EPSTI1: variants seen among roughly 807,000 people sequenced by gnomAD.
EPSTI1 encodes the protein epithelial-stromal interaction protein 1.
EPSTI1 carries 66 observed loss-of-function variants against 49.9 expected under a neutral mutation model. The ratio of observed to expected loss-of-function variants is 1.32; its 90% CI spans 1.08 to 1.62. EPSTI1 has a LOEUF of 1.62. Ranked by LOEUF, EPSTI1 falls within the 40% of genes most tolerant of loss-of-function variation. The probability of loss-of-function intolerance (pLI) is 0.00; values close to 1 mark genes in which losing one functional copy is unlikely to be tolerated. For missense variants in EPSTI1, 394 were observed against 365.5 expected (o/e 1.08, Z -0.64); for synonymous variants, 137 against 130.7 (o/e 1.05, Z -0.33).
intron 6 of EPSTI1, among the ~76,000 whole-genome samples, chr13:42,944,360 T>C (rs2038856057): frequency 6.6e-6 from 1 of 152,200 alleles, no homozygotes; most frequent in African/African-American, 2.4e-5. Context: ...TGAGTTCATG[T>C]CCTTTGCAGA....
At chr13:42,980,390 GA>G (rs1479660058) in intron 1 of EPSTI1, among the ~76,000 whole-genome samples, 1 of 152,150 alleles carries the variant, frequency 6.6e-6, no homozygotes, top group Non-Finnish European at 1.5e-5. Flanking sequence ...GATTTATAAA[GA>G]AAAAGAGGTT....
chr13:42,939,279 T>G (rs1326466025), intron 6 of EPSTI1, among the ~76,000 whole-genome samples: 1 of 152,260 alleles, frequency 6.6e-6, no homozygotes, highest in Non-Finnish European at 1.5e-5. Context: ...ACATGTTCAC[T>G]GGAGTAGCAT....
chr13:42,914,323 A>G (rs1480165267), intron 8 of EPSTI1, among the ~76,000 whole-genome samples: 1 of 152,204 alleles, frequency 6.6e-6, no homozygotes, highest in African/African-American at 2.4e-5. Flanking sequence ...CAACTTGCAC[A>G]AGGCTCAGTA....
At chr13:42,975,462 CCT>C in intron 1 of EPSTI1, among the ~76,000 whole-genome samples, 1 of 152,256 alleles carries the variant, frequency 6.6e-6, no homozygotes, top group Non-Finnish European at 1.5e-5. Context: ...CAACTCATTG[CCT>C]CTGTTAGACG....
At chr13:42,942,606 T>C (rs2038788474) in intron 6 of EPSTI1, among the ~76,000 whole-genome samples, 1 of 150,124 alleles carries the variant, frequency 6.7e-6, no homozygotes, top group Non-Finnish European at 1.5e-5. Context: ...CTCTTCCTTG[T>C]GCCTCTTCTA....
At chr13:42,910,493 A>C (rs1434529731) in intron 8 of EPSTI1, among the ~76,000 whole-genome samples, 1 of 151,990 alleles carries the variant, frequency 6.6e-6, no homozygotes, top group Admixed American at 6.6e-5. Flanking sequence ...ACCTCAGGTG[A>C]TCCTCCTGCC....
At chr13:42,986,544 A>C (rs1594766182) in intron 1 of EPSTI1, among the ~76,000 whole-genome samples, 1 of 152,096 alleles carries the variant, frequency 6.6e-6, no homozygotes, top group Non-Finnish European at 1.5e-5. Flanking sequence ...GGAGTTCGAG[A>C]CCAGCCTGGC....
chr13:42,919,181 G>T, intron 7 of EPSTI1: 1 of 817,546 alleles, frequency 1.2e-6, no homozygotes, highest in Non-Finnish European at 1.9e-6. Context: ...GAAAAAAGTG[G>T]TTATTAAATA....
At chr13:42,889,287 T>C in intron 10 of EPSTI1, 1 of 1,175,480 alleles carries the variant, frequency 8.5e-7, no homozygotes, top group East Asian at 2.6e-5. Context: ...AAAGCAATTA[T>C]TGAAGAATAA....
intron 8 of EPSTI1, among the ~76,000 whole-genome samples, chr13:42,910,826 C>T (rs2153415780): frequency 6.6e-6 from 1 of 152,200 alleles, no homozygotes; most frequent in South Asian, 2.1e-4. Flanking sequence ...TACTGGGTAA[C>T]AACCAAGTTT....
chr13:42,917,688 G>C, intron 7 of EPSTI1, 64 bp from the exon 8 acceptor site: 6 of 1,248,876 alleles, frequency 4.8e-6, no homozygotes, highest in East Asian at 2.6e-5. Flanking sequence ...GGTTGTCACA[G>C]TACACCAAGC....
At chr13:42,979,619 T>G (rs1240268423) in intron 1 of EPSTI1, among the ~76,000 whole-genome samples, 2 of 151,486 alleles carry the variant, frequency 1.3e-5, no homozygotes, top group African/African-American at 4.8e-5. Flanking sequence ...AAAAGAAATT[T>G]TAAGCCTAAC....
chr13:42,915,852 T>G (rs2037815301), intron 8 of EPSTI1, among the ~76,000 whole-genome samples: 1 of 152,078 alleles, frequency 6.6e-6, no homozygotes, highest in Admixed American at 6.6e-5. Flanking sequence ...TAATTTTCAC[T>G]GTTTAAAATA....
rs182736399 is a variant in EPSTI1 at position 42,952,216 on chromosome 13, A to T, written c.563+1732T>A. On this transcript the variant is annotated intron_variant, in intron 6 of 10. Coordinates refer to ENST00000313624, the MANE Select transcript of EPSTI1 (RefSeq NM_033255.5). Reference sequence around the variant, plus strand: ...CTGGCCACCCCAGCCAGCAGCGGCAACCTGTTTGGGTCCCCTTCCATGCTG... The same window carrying T: ...CTGGCCACCCCAGCCAGCAGCGGCATCCTGTTTGGGTCCCCTTCCATGCTG... Among the ~76,000 whole-genome samples, 195 of 152,308 alleles carry T rather than the reference A, an allele frequency of 1.3e-3. 1 individual carries two copies. Among genetic ancestry groups the T allele is most frequent in the African/African-American group, 4.4e-3 (183 of 41,574 alleles).
At chr13:42,917,675 A>G (rs757255563) in intron 7 of EPSTI1, 51 bp from the exon 8 acceptor site, 1 of 1,340,496 alleles carries the variant, frequency 7.5e-7, no homozygotes, top group Non-Finnish European at 1.0e-6. Flanking sequence ...TGATAGGATA[A>G]AGGGTTGTCA....
intron 6 of EPSTI1, among the ~76,000 whole-genome samples, chr13:42,936,786 A>G (rs894804863): frequency 3.9e-5 from 6 of 152,148 alleles, no homozygotes; most frequent in Admixed American, 2.0e-4. Flanking sequence ...AACCATCTCA[A>G]ACTTAAACTC....
intron 10 of EPSTI1, 34 bp from the exon 11 acceptor site, chr13:42,888,536 C>A (rs746118224): frequency 6.4e-7 from 1 of 1,571,966 alleles, no homozygotes; most frequent in South Asian, 1.2e-5. Context: ...TTACTGCAAG[C>A]AGCAAAATAA....
intron 6 of EPSTI1, among the ~76,000 whole-genome samples, chr13:42,950,440 A>T (rs1017615318): frequency 1.3e-5 from 2 of 152,254 alleles, no homozygotes; most frequent in Non-Finnish European, 2.9e-5. Flanking sequence ...TACACTCAGG[A>T]GAGTCCCTTT....
intron 8 of EPSTI1, among the ~76,000 whole-genome samples, chr13:42,916,931 C>A (rs1300896593): frequency 2.0e-5 from 3 of 152,054 alleles, no homozygotes; most frequent in Non-Finnish European, 4.4e-5. Context: ...ATCAAGTATG[C>A]CACTGACTAT....
Sources: allele counts gnomAD v4.1 joint callset (sites outside exome capture counted in the v4.1 genomes callset), GRCh38; gene constraint gnomAD v4.1.1; transcripts MANE v1.5; gene names NCBI Gene and HGNC (gene_info 2026-07-23, HGNC 2026-07-21).